The following SAXO4 variants were observed in gnomAD, a reference collection of about 807,000 sequenced individuals.
SAXO4 encodes the protein stabilizer of axonemal microtubules 4, also known as protein phosphatase 1 regulatory subunit 32.
At chr11:61,485,383 G>A in the SAXO4 span, 1 of 1,613,976 alleles carries the variant, frequency 6.2e-7, no homozygotes, top group Non-Finnish European at 8.5e-7. Flanking sequence ...GTATCTCAGG[G>A]ACCCTCTAGA....
the SAXO4 span, chr11:61,481,865 G>T: frequency 6.4e-7 from 1 of 1,560,752 alleles, no homozygotes; most frequent in South Asian, 1.2e-5. Flanking sequence ...ATGAGTTCGG[G>T]GGGCTACACG....
At chr11:61,483,018 TCCA>T in the SAXO4 span, among the ~76,000 whole-genome samples, 1 of 140,696 alleles carries the variant, frequency 7.1e-6, no homozygotes, top group Non-Finnish European at 1.5e-5. Flanking sequence ...CACCATTACC[TCCA>T]CCTCCATTTC....
chr11:61,490,533 A>C, the SAXO4 span: 1 of 1,614,124 alleles, frequency 6.2e-7, no homozygotes, highest in East Asian at 2.2e-5. Flanking sequence ...TTCTACCAGA[A>C]CACACCTCAC....
chr11:61,489,945 A>G, the SAXO4 span: 1 of 1,608,874 alleles, frequency 6.2e-7, no homozygotes, highest in East Asian at 2.2e-5. Flanking sequence ...CCACGTGGGA[A>G]GGTGGCACCA....
the SAXO4 span, among the ~76,000 whole-genome samples, chr11:61,484,461 G>A: frequency 9.2e-5 from 14 of 152,290 alleles, no homozygotes; most frequent in South Asian, 2.1e-4. Context: ...CTAGAGCAGG[G>A]TGAGGCACTC....
chr11:61,490,754 A>G, the SAXO4 span: 3 of 633,842 alleles, frequency 4.7e-6, no homozygotes, highest in African/African-American at 3.6e-5. Context: ...CTGCCAGGCA[A>G]GCACACAGAA....
chr11:61,484,637 CAG>C, the SAXO4 span: 5 of 1,602,996 alleles, frequency 3.1e-6, no homozygotes, highest in African/African-American at 5.4e-5. Context: ...GAAGCAGAGT[CAG>C]GGAGTGACTG....
chr11:61,484,300 G>A, the SAXO4 span, among the ~76,000 whole-genome samples: 1 of 152,220 alleles, frequency 6.6e-6, no homozygotes, highest in Non-Finnish European at 1.5e-5. Context: ...CAAATCGGGA[G>A]GGTCGGGAAA....
the SAXO4 span, chr11:61,484,612 T>G: frequency 1.3e-6 from 2 of 1,571,690 alleles, no homozygotes; most frequent in East Asian, 4.6e-5. Flanking sequence ...CTGCGCTCTG[T>G]AAAGGTCAAG....
chr11:61,486,572 G>C, the SAXO4 span: 1 of 1,614,198 alleles, frequency 6.2e-7, no homozygotes, highest in Non-Finnish European at 8.5e-7. Flanking sequence ...GCGGGAAACA[G>C]CCTTCAGCCG....
At chr11:61,487,563 G>T in the SAXO4 span, among the ~76,000 whole-genome samples, 1 of 152,134 alleles carries the variant, frequency 6.6e-6, no homozygotes, top group Non-Finnish European at 1.5e-5. Flanking sequence ...AGAGAGCTGG[G>T]GTATTTATAC....
At chr11:61,484,706 G>A in the SAXO4 span, 6 of 1,613,714 alleles carry the variant, frequency 3.7e-6, no homozygotes, top group East Asian at 2.2e-5. Context: ...GGTCCATTTC[G>A]ACACCCAGGA....
the SAXO4 span, chr11:61,486,289 C>T: frequency 1.3e-6 from 2 of 1,597,704 alleles, no homozygotes; most frequent in Non-Finnish European, 1.7e-6. Context: ...GTGGGAGCCA[C>T]CAGGGGCCCA....
At chr11:61,489,710 G>A in the SAXO4 span, 6 of 1,525,186 alleles carry the variant, frequency 3.9e-6, no homozygotes, top group South Asian at 6.7e-5. Context: ...GAGGGTCGAT[G>A]GAGAAGGGCA....
chr11:61,481,181 G>C, the SAXO4 span: 12 of 152,190 alleles, frequency 7.9e-5, no homozygotes, highest in African/African-American at 2.9e-4. Flanking sequence ...GCTTCCTGCA[G>C]CCTCTCCCCG....
chr11:61,486,469 G>C, the SAXO4 span: 1 of 1,612,764 alleles, frequency 6.2e-7, no homozygotes, highest in East Asian at 2.2e-5. Context: ...GGCTCTGGAA[G>C]GTGGTGGGGG....
chr11:61,484,433 C>G, the SAXO4 span, among the ~76,000 whole-genome samples: 1 of 152,108 alleles, frequency 6.6e-6, no homozygotes, highest in South Asian at 2.1e-4. Context: ...AAGGTGGGAA[C>G]AGAAAGGAGA....
the SAXO4 span, among the ~76,000 whole-genome samples, chr11:61,490,161 C>G: frequency 3.3e-5 from 5 of 152,142 alleles, no homozygotes; most frequent in East Asian, 9.6e-4. Context: ...CCTCCTCCCT[C>G]TCCTGCCCCT....
the SAXO4 span, chr11:61,490,802 T>A: frequency 1.7e-6 from 1 of 584,708 alleles, no homozygotes. Context: ...CGCCTCTGCT[T>A]CTCCTCTACA....
Sources: allele counts gnomAD v4.1 joint callset (sites outside exome capture counted in the v4.1 genomes callset), GRCh38; gene constraint gnomAD v4.1.1; transcripts MANE v1.5; gene names NCBI Gene and HGNC (gene_info 2026-07-23, HGNC 2026-07-21).